The following FGGY variants were observed in gnomAD, a reference collection of about 807,000 sequenced individuals.
FGGY encodes FGGY carbohydrate kinase domain containing, also known as FGGY carbohydrate kinase domain-containing protein.
In FGGY, 72 loss-of-function variants were observed where a neutral mutation model predicts 71.3. The observed-to-expected ratio is 1.01, with a 90% CI of 0.84 to 1.23. FGGY has a LOEUF of 1.23. Among genes scored for constraint, FGGY ranks in the 50% most tolerant of loss-of-function variants. The probability of loss-of-function intolerance (pLI) is 0.00; values close to 1 mark genes in which losing one functional copy is unlikely to be tolerated. For missense variants in FGGY, 668 were observed against 682.3 expected (o/e 0.98, Z 0.23); for synonymous variants, 251 against 250.3 (o/e 1.00, Z -0.02).
rs1198342892 is a variant in FGGY, at chr1:59,688,242, A to T, written c.1512+14109A>T. Among the ~76,000 whole-genome samples, 12 of 152,338 alleles carry T rather than the reference A, an allele frequency of 7.9e-5. No individual in the cohort carries two copies. The South Asian group carries it at 2.5e-3, about 32-fold the overall frequency. On this transcript the variant is annotated intron_variant, in intron 14 of 15. Transcript: ENST00000303721. ...CCCTGGACCATTCACTATTCTAGGT[A>T]AGTAACTATAATAGATATGTGATTA... is the stretch of plus-strand genomic sequence containing the variant.
chr1:59,587,296 T>C (rs1432867208), intron 8 of FGGY, among the ~76,000 whole-genome samples: 1 of 151,900 alleles, frequency 6.6e-6, no homozygotes, highest in Non-Finnish European at 1.5e-5. Flanking sequence ...GCCTGGAAGC[T>C]CGAACTGGGT....
chr1:59,410,749 A>T (rs1003492871), intron 5 of FGGY, among the ~76,000 whole-genome samples: 62 of 152,320 alleles, frequency 4.1e-4, no homozygotes, highest in African/African-American at 1.4e-3. Context: ...CTAGAAGACC[A>T]TGGTGACGTT....
At chr1:59,607,748 C>T in intron 8 of FGGY, 55 bp from the exon 9 acceptor site, 3 of 1,377,424 alleles carry the variant, frequency 2.2e-6, no homozygotes, top group Non-Finnish European at 3.1e-6. Context: ...GAGGAGAACC[C>T]TTCCCCTACC....
chr1:59,451,664 T>C (rs184363890), intron 5 of FGGY, among the ~76,000 whole-genome samples: 48 of 152,264 alleles, frequency 3.2e-4, no homozygotes, highest in African/African-American at 1.1e-3. Context: ...GTTATTTGGT[T>C]ATACTCTTTC....
At chr1:59,601,803 A>G (rs575877249) in intron 8 of FGGY, among the ~76,000 whole-genome samples, 1 of 152,344 alleles carries the variant, frequency 6.6e-6, no homozygotes, top group African/African-American at 2.4e-5. Context: ...GTATCCAATA[A>G]TATTTACTGA....
intron 9 of FGGY, among the ~76,000 whole-genome samples, chr1:59,609,992 T>C (rs1200899412): frequency 3.9e-5 from 6 of 152,230 alleles, no homozygotes; most frequent in African/African-American, 1.4e-4. Flanking sequence ...AAGGAAGACA[T>C]CATCTATGGC....
intron 14 of FGGY, among the ~76,000 whole-genome samples, chr1:59,712,649 G>T (rs112640737): frequency 0.11 from 16,538 of 152,196 alleles, 1,310 homozygotes; most frequent in Admixed American, 0.23. Context: ...CATGGAAGCT[G>T]CCAAGGCTTG....
chr1:59,607,640 T>TA (rs935054471), intron 8 of FGGY, among the ~76,000 whole-genome samples, 163 bp from the exon 9 acceptor site: 3 of 152,174 alleles, frequency 2.0e-5, no homozygotes, highest in Admixed American at 6.5e-5. Flanking sequence ...GGAAAGTTTC[T>TA]AAAAAAAGGA....
intron 2 of FGGY, among the ~76,000 whole-genome samples, chr1:59,337,229 G>C (rs1023700790): frequency 6.6e-6 from 1 of 152,026 alleles, no homozygotes; most frequent in African/African-American, 2.4e-5. Context: ...TAAGTCTGAG[G>C]GTGAAGGCCT....
chr1:59,543,867 T>G (rs2095482780), intron 7 of FGGY, among the ~76,000 whole-genome samples: 1 of 152,194 alleles, frequency 6.6e-6, no homozygotes, highest in African/African-American at 2.4e-5. Flanking sequence ...TTTGAATAAT[T>G]TTATAAATGA....
chr1:59,603,727 A>G (rs1291802679), intron 8 of FGGY, among the ~76,000 whole-genome samples: 3 of 152,184 alleles, frequency 2.0e-5, no homozygotes, highest in Non-Finnish European at 2.9e-5. Context: ...GGGAACACTT[A>G]ATGGAAACTT....
chr1:59,581,146 A>C (rs2153749728), intron 8 of FGGY, among the ~76,000 whole-genome samples: 1 of 138,664 alleles, frequency 7.2e-6, no homozygotes, highest in Non-Finnish European at 1.5e-5. Context: ...GATCTGCATT[A>C]GGTTTTTGAC....
At chr1:59,610,309 T>C (rs866916861) in intron 9 of FGGY, among the ~76,000 whole-genome samples, 48 of 152,100 alleles carry the variant, frequency 3.2e-4, no homozygotes, top group African/African-American at 1.1e-3. Context: ...CTTCAACTCC[T>C]GCTTATGAGT....
intron 6 of FGGY, among the ~76,000 whole-genome samples, chr1:59,480,630 A>G (rs2093434542): frequency 1.3e-5 from 2 of 152,178 alleles, no homozygotes. Context: ...GGCACTAGGT[A>G]AGCAACCTGG....
intron 1 of FGGY, chr1:59,309,959 T>G (rs1570076338): frequency 7.1e-6 from 1 of 141,168 alleles, no homozygotes; most frequent in African/African-American, 2.7e-5. Flanking sequence ...CCAGCATGGG[T>G]GACAGAGTGA....
At chr1:59,388,112 C>A (rs777820565) in intron 5 of FGGY, among the ~76,000 whole-genome samples, 1 of 151,944 alleles carries the variant, frequency 6.6e-6, no homozygotes, top group African/African-American at 2.4e-5. Flanking sequence ...AGTTAAACCC[C>A]GTCTGCATGT....
At chr1:59,388,903 C>T (rs1409170054) in intron 5 of FGGY, among the ~76,000 whole-genome samples, 5 of 152,082 alleles carry the variant, frequency 3.3e-5, no homozygotes, top group Admixed American at 1.3e-4. Flanking sequence ...TCACCCCAAA[C>T]GGAAGCTGCT....
At chr1:59,730,534 A>G (rs1339244006) in intron 14 of FGGY, among the ~76,000 whole-genome samples, 1 of 152,202 alleles carries the variant, frequency 6.6e-6, no homozygotes, top group Non-Finnish European at 1.5e-5. Context: ...ATAGTTGCTA[A>G]TAGACTAATT....
At position 59,667,287 on chromosome 1, in the gene FGGY, G is replaced by A. The variant is rs763272088; in HGVS notation, c.1301G>A (p.Gly434Glu). 33 of 1,613,876 alleles carry A rather than the reference G, an allele frequency of 2.0e-5. No homozygotes were observed. Among genetic ancestry groups the A allele is most frequent in the Non-Finnish European group, 2.7e-5 (32 of 1,179,986 alleles). Residue 434 changes from glycine to glutamate, a missense_variant, in exon 13 of 16, where the codon GGG becomes GAG. Physicochemically the swap from Gly to Glu is moderately conservative, Grantham distance 98. Transcript: ENST00000303721. ...YLATVQAIAL[G>E]TRFIIEAMEA... ...TCTTCTGCTTTTCCTTTCAAGTTGG[G>A]GACTCGCTTCATTATAGAAGCCATG...
Sources: allele counts gnomAD v4.1 joint callset (sites outside exome capture counted in the v4.1 genomes callset), GRCh38; gene constraint gnomAD v4.1.1; transcripts MANE v1.5; gene names NCBI Gene and HGNC (gene_info 2026-07-23, HGNC 2026-07-21).